Variants in ZNF486 observed in about 807,000 individuals in gnomAD.
ZNF486 encodes the protein KRAB box only protein 2.
A neutral mutation model predicts 12.8 loss-of-function variants in ZNF486; 12 were observed. The ratio of observed to expected loss-of-function variants is 0.94; its 90% CI spans 0.60 to 1.52. The LOEUF is 1.52. Among genes scored for constraint, ZNF486 ranks in the 40% most tolerant of loss-of-function variants. ZNF486 has a pLI of 0.00. For synonymous variants in ZNF486, 231 were observed against 184.9 expected (o/e 1.25, Z -2.02); for missense variants, 738 against 545.0 (o/e 1.35, Z -3.53).
At chr19:20,192,572 T>A (rs1555717337) in intron 3 of ZNF486, among the ~76,000 whole-genome samples, 1 of 152,148 alleles carries the variant, frequency 6.6e-6, no homozygotes, top group Non-Finnish European at 1.5e-5. Context: ...CCTCCCAAAG[T>A]GCTGGGATTA....
intron 3 of ZNF486, among the ~76,000 whole-genome samples, chr19:20,189,311 TCACCCAC>T (rs1372018994): frequency 6.6e-6 from 1 of 152,166 alleles, no homozygotes. Flanking sequence ...TCTCAGGTAA[TCACCCAC>T]CTTGGCCTCC....
intron 1 of ZNF486, among the ~76,000 whole-genome samples, chr19:20,178,676 C>T (rs561935652): frequency 6.6e-6 from 1 of 152,232 alleles, no homozygotes; most frequent in Non-Finnish European, 1.5e-5. Flanking sequence ...CACACTTGTG[C>T]AGCAAAGTGC....
At chr19:20,181,190 C>T (rs890941563) in intron 1 of ZNF486, among the ~76,000 whole-genome samples, 1 of 152,140 alleles carries the variant, frequency 6.6e-6, no homozygotes, top group African/African-American at 2.4e-5. Context: ...GCTGGTGAAT[C>T]CTGCTGCCTT....
chr19:20,177,609 C>T (rs1279172078), intron 1 of ZNF486, among the ~76,000 whole-genome samples: 1 of 152,202 alleles, frequency 6.6e-6, no homozygotes, highest in Non-Finnish European at 1.5e-5. Flanking sequence ...TGGAGTTTCA[C>T]TCTTATTGCC....
At chr19:20,180,268 T>TTA (rs2089769979) in intron 1 of ZNF486, among the ~76,000 whole-genome samples, 1 of 152,196 alleles carries the variant, frequency 6.6e-6, no homozygotes, top group Admixed American at 6.5e-5. Context: ...GGTACCCAGA[T>TTA]CAGAGTTTCT....
intron 3 of ZNF486, among the ~76,000 whole-genome samples, chr19:20,196,754 A>C (rs913313666): frequency 6.6e-6 from 1 of 152,204 alleles, no homozygotes; most frequent in African/African-American, 2.4e-5. Context: ...GGACTTTCAC[A>C]CACTTAAAAC....
chr19:20,196,106 C>A (rs1206847105), intron 3 of ZNF486, among the ~76,000 whole-genome samples: 1 of 152,172 alleles, frequency 6.6e-6, no homozygotes, highest in African/African-American at 2.4e-5. Context: ...ACATTCTCTG[C>A]CTCCACAGTT....
In ZNF486 at chr19:20,197,739, T is replaced by A; in HGVS notation, c.1029T>A (p.Ile343=). The A allele has an allele frequency of 6.2e-7, 1 of 1,613,826 alleles. No individual in the cohort carries two copies. The highest frequency in any genetic ancestry group is 8.5e-7 in the Non-Finnish European group (1 of 1,179,936). ...SSSILSKHEK[I]HTGEKPYKCE... is the part of the protein sequence containing the mutation. The stretch of plus-strand genomic sequence containing the variant: ...CGATCCTTAGTAAACATGAGAAGAT[T>A]CATACGGGAGAGAAACCCTACAAAT... The change falls in exon 4 of 4, where the codon ATT becomes ATA. Residue 343 remains isoleucine (I), a synonymous_variant. Transcript: ENST00000335117.
intron 3 of ZNF486, 128 bp downstream of exon 3, chr19:20,186,210 T>TTTTATTTA (rs149807694): frequency 4.4e-4 from 210 of 480,542 alleles, no homozygotes; most frequent in Admixed American, 1.9e-3. Context: ...TGGGCAGCTG[T>TTTTATTTA]TTTATTTATT....
chr19:20,193,149 A>G (rs2089918910), intron 3 of ZNF486, among the ~76,000 whole-genome samples: 1 of 151,122 alleles, frequency 6.6e-6, no homozygotes, highest in Non-Finnish European at 1.5e-5. Flanking sequence ...CAATCTCATA[A>G]CTTCAACTGA....
intron 3 of ZNF486, among the ~76,000 whole-genome samples, chr19:20,190,680 C>T (rs1555717062): frequency 6.6e-6 from 1 of 152,162 alleles, no homozygotes; most frequent in Admixed American, 6.5e-5. Flanking sequence ...CCACTGCACC[C>T]CGTCAGTACT....
chr19:20,186,473 T>C (rs1190032442), intron 3 of ZNF486, among the ~76,000 whole-genome samples: 1 of 152,176 alleles, frequency 6.6e-6, no homozygotes, highest in Non-Finnish European at 1.5e-5. Flanking sequence ...CTGAAATGTG[T>C]GACAGTATTA....
At chr19:20,192,360 GAGTGCA>G (rs1460705082) in intron 3 of ZNF486, among the ~76,000 whole-genome samples, 1 of 151,970 alleles carries the variant, frequency 6.6e-6, no homozygotes, top group East Asian at 1.9e-4. Context: ...GCCCAAGCTG[GAGTGCA>G]ATGGCGTGAG....
intron 1 of ZNF486, among the ~76,000 whole-genome samples, chr19:20,172,068 A>C (rs1326488497): frequency 1.5e-4 from 22 of 151,612 alleles, no homozygotes; most frequent in Non-Finnish European, 7.4e-5. Flanking sequence ...GCAATGGTGC[A>C]ACCTCGGCTC....
intron 3 of ZNF486, chr19:20,188,631 A>C (rs2089873239): frequency 2.5e-6 from 1 of 395,764 alleles, no homozygotes. Flanking sequence ...TGAATGACAG[A>C]GTGAGACCCT....
At chr19:20,172,281 G>T (rs1298838979) in intron 1 of ZNF486, among the ~76,000 whole-genome samples, 1 of 151,560 alleles carries the variant, frequency 6.6e-6, no homozygotes, top group Non-Finnish European at 1.5e-5. Flanking sequence ...GGGATTACAG[G>T]TGTGAGCCAC....
intron 1 of ZNF486, among the ~76,000 whole-genome samples, chr19:20,183,438 T>TA (rs1555715871): frequency 6.6e-6 from 1 of 152,238 alleles, no homozygotes; most frequent in African/African-American, 2.4e-5. Flanking sequence ...GAAGCCTACT[T>TA]AAAATTACTA....
chr19:20,171,353 C>T (rs138023181), intron 1 of ZNF486, among the ~76,000 whole-genome samples: 21 of 152,310 alleles, frequency 1.4e-4, no homozygotes, highest in African/African-American at 4.6e-4. Flanking sequence ...GCTATCACCA[C>T]GGTGTTCCCA....
At chr19:20,177,935 C>CTTTTTTTTTTTTTTTTT (rs1241165221) in intron 1 of ZNF486, among the ~76,000 whole-genome samples, 90 of 145,116 alleles carry the variant, frequency 6.2e-4, no homozygotes, top group African/African-American at 2.2e-3. Context: ...AACATTTGTT[C>CTTTTTTTTTTTTTTTTT]TTTTTTTTTG....
Sources: gnomAD v4.1 joint callset for allele counts (sites outside exome capture counted in the v4.1 genomes callset) on GRCh38, gnomAD v4.1.1 for gene constraint, MANE v1.5 for transcripts, NCBI Gene and HGNC (gene_info 2026-07-23, HGNC 2026-07-21) for gene names.